The following TP53BP1 variants were observed in gnomAD, a reference collection of about 807,000 sequenced individuals.
The protein encoded by TP53BP1 is TP53-binding protein 1.
In TP53BP1, 61 loss-of-function variants were observed where a neutral mutation model predicts 200.8. That is an observed-to-expected ratio of 0.30 (90% CI 0.25 to 0.38). TP53BP1 has a LOEUF of 0.38. Among genes scored for constraint, TP53BP1 ranks in the 10% least tolerant of loss-of-function variants. The pLI is 1.00. For missense variants in TP53BP1, 2,144 were observed against 2,371.9 expected (o/e 0.90, Z 2.00); for synonymous variants, 822 against 844.3 (o/e 0.97, Z 0.46).
intron 1 of TP53BP1, 65 bp downstream of exon 1, chr15:43,492,972 T>A (rs2079149783): frequency 7.3e-7 from 1 of 1,361,662 alleles, no homozygotes; most frequent in Non-Finnish European, 9.7e-7. Context: ...CGGTCAGCCA[T>A]CCCTTCAGAC....
chr15:43,410,342 T>C (rs1485060191), intron 24 of TP53BP1, among the ~76,000 whole-genome samples: 1 of 152,194 alleles, frequency 6.6e-6, no homozygotes, highest in Non-Finnish European at 1.5e-5. Flanking sequence ...TCAACCTTTT[T>C]ATTGAAAACT....
chr15:43,403,491 G>T lies in TP53BP1; in HGVS notation c.*3892C>A, dbSNP rs1595503790. The T allele has an allele frequency of 1.8e-6, 1 of 549,366 alleles. No homozygotes were observed. Among genetic ancestry groups the T allele is most frequent in the Non-Finnish European group, 3.3e-6 (1 of 305,874 alleles). 34.0% of individuals were successfully genotyped at this position (549,366 alleles called of 1,614,324 possible). ...GAGTAATACTCGCTTAGCCAGGAAA[G>T]GATGCATTTGTTTTACGCATTTTGT... On this transcript the variant is annotated 3_prime_UTR_variant, in exon 28 of 28. Coordinates refer to ENST00000382044, the MANE Select transcript of TP53BP1 (RefSeq NM_001141980.3).
Position 43,409,672 on chromosome 15 carries a change from A to G in TP53BP1, c.5375T>C (p.Ile1792Thr). The change falls in exon 25 of 28, where the codon ATC (isoleucine) becomes ACC (threonine). Residue 1792 changes from isoleucine (I) to threonine (T), a missense_variant. Around this residue, in one of 4 missense-constraint regions of TP53BP1, gnomAD observed 334 missense variants for 453.4 expected, o/e 0.74. Transcript: ENST00000382044. The part of the protein sequence containing the change: ...ESQLRAGAGY[I>T]LEDFNEAQCN... Reference sequence around the variant, plus strand: ...CTGGGCTTCATTGAAATCTTCAAGGATATAGCCAGCTCCTGCTCGAAGCTG... The same window carrying G: ...CTGGGCTTCATTGAAATCTTCAAGGGTATAGCCAGCTCCTGCTCGAAGCTG... 1 of 1,571,888 alleles carries G rather than the reference A, an allele frequency of 6.4e-7. No homozygotes were observed. The highest frequency in any genetic ancestry group is 8.6e-7 in the Non-Finnish European group (1 of 1,161,326).
intron 23 of TP53BP1, chr15:43,414,154 G>A (rs1037196358): frequency 2.1e-6 from 1 of 469,380 alleles, no homozygotes; most frequent in African/African-American, 2.0e-5. Flanking sequence ...AGTCTCAGAG[G>A]CAATATGACG....
rs1462748563 is a variant in TP53BP1 at position 43,404,596 on chromosome 15, C to G, written c.*2787G>C. 1.2e-6 allele frequency: 2 copies of G among 1,600,080 alleles called. No individual in the cohort carries two copies. The highest frequency in any genetic ancestry group is 2.2e-5 in the South Asian group (2 of 89,736). On this transcript the variant is annotated 3_prime_UTR_variant, in exon 28 of 28. Transcript: ENST00000382044. The stretch of plus-strand genomic sequence containing the variant: ...TAACTCAGTAGACTTTTTAAGGTGG[C>G]TTTTTAATGAGTTGTAGAATTCTAG...
At chr15:43,430,380 C>A (rs1345287571) in intron 17 of TP53BP1, among the ~76,000 whole-genome samples, 1 of 152,186 alleles carries the variant, frequency 6.6e-6, no homozygotes, top group Non-Finnish European at 1.5e-5. Flanking sequence ...ATTTCAATTT[C>A]TGTTATTCTA....
intron 11 of TP53BP1, among the ~76,000 whole-genome samples, chr15:43,469,641 A>T (rs1291705981): frequency 6.6e-6 from 1 of 152,180 alleles, no homozygotes; most frequent in Non-Finnish European, 1.5e-5. Context: ...AAGACATTGT[A>T]AAAAGTTTAA....
chr15:43,488,157 G>C (rs544111738), intron 4 of TP53BP1, among the ~76,000 whole-genome samples: 1 of 152,026 alleles, frequency 6.6e-6, no homozygotes, highest in Admixed American at 6.5e-5. Flanking sequence ...AAATTAGTTG[G>C]GTGTGGTGGC....
At chr15:43,457,981 T>C (rs1028393326) in intron 11 of TP53BP1, among the ~76,000 whole-genome samples, 23 of 151,986 alleles carry the variant, frequency 1.5e-4, no homozygotes, top group African/African-American at 5.6e-4. Context: ...ATCGTGTCAT[T>C]GCACTCCAGT....
chr15:43,470,128 A>C (rs1321411263), intron 10 of TP53BP1, 62 bp from the exon 11 acceptor site: 1 of 1,363,824 alleles, frequency 7.3e-7, no homozygotes, highest in East Asian at 2.3e-5. Flanking sequence ...TCATGTTCCA[A>C]AACCACTAAG....
chr15:43,418,937 C>G lies in TP53BP1; in HGVS notation c.4681+1368G>C, dbSNP rs117874783. ...ACTAACTTTAGAGAAGGCCACCTGT[C>G]CCTCTCTTGCAGTGGCTCACGCCTG... On this transcript the variant is annotated intron_variant, in intron 21 of 27. Transcript: ENST00000382044. Among the ~76,000 whole-genome samples, 15 of 152,288 alleles carry G rather than the reference C, an allele frequency of 9.8e-5. No homozygotes were observed. The East Asian group carries it at 2.9e-3, about 29-fold the overall frequency.
Position 43,469,984 on chromosome 15 carries a change from C to T in TP53BP1, c.1263G>A (p.Glu421=), listed in dbSNP as rs34102165. 1,092 of 1,613,944 alleles carry T rather than the reference C, an allele frequency of 6.8e-4. 4 individuals carry two copies. In the African/African-American group the frequency reaches 0.013, roughly 19 times the overall value. The change falls in exon 11 of 28, where the codon GAG becomes GAA. Residue 421 remains glutamate (E), a synonymous_variant. Transcript: ENST00000382044. The stretch of plus-strand genomic sequence containing the variant: ...CAGGCAGGAGAGGGGGGTTTTCTAA[C>T]TCCACTGGTTCACCACTTTGAAGTT... The part of the protein sequence containing the change: ...QKKLQSGEPV[E]LENPPLLPES...
intron 27 of TP53BP1, 110 bp downstream of exon 27, chr15:43,407,833 A>G: frequency 8.7e-7 from 1 of 1,151,670 alleles, no homozygotes; most frequent in Non-Finnish European, 1.2e-6. Flanking sequence ...TCTCTAAGAA[A>G]CATGGATACG....
Position 43,405,341 on chromosome 15 carries a change from T to C in TP53BP1, c.*2042A>G. 9.3e-7 allele frequency: 1 copy of C among 1,072,590 alleles called. No individual in the cohort carries two copies. Among genetic ancestry groups the C allele is most frequent in the Non-Finnish European group, 1.4e-6 (1 of 716,090 alleles). The allele number at this position is 1,072,590 out of a possible 1,614,324, so 66.4% of individuals were successfully genotyped here. A position where few individuals can be genotyped will look rare whatever the true frequency, so the allele number is the denominator to read the frequency against. ...CTTAGTGATAGGACTCTACCTTTTC[T>C]CCTAGAAGCAGTTACTGAACATCCA... On this transcript the variant is annotated 3_prime_UTR_variant, in exon 28 of 28. Coordinates refer to ENST00000382044, the MANE Select transcript of TP53BP1 (RefSeq NM_001141980.3).
chr15:43,477,524 T>A, intron 8 of TP53BP1, 69 bp downstream of exon 8: 1 of 1,404,802 alleles, frequency 7.1e-7, no homozygotes, highest in South Asian at 1.8e-5. Context: ...ACTTAACCAG[T>A]AGCCTCAGAA....
intron 1 of TP53BP1, among the ~76,000 whole-genome samples, chr15:43,501,227 G>T (rs1217034929): frequency 1.4e-5 from 2 of 147,722 alleles, no homozygotes; most frequent in Non-Finnish European, 3.0e-5. Flanking sequence ...TAAGAGACAG[G>T]GTCTTGCTCT....
chr15:43,454,003 G>A (rs1016401964), intron 12 of TP53BP1, among the ~76,000 whole-genome samples: 1 of 151,998 alleles, frequency 6.6e-6, no homozygotes, highest in Non-Finnish European at 1.5e-5. Context: ...TCAGGAGATT[G>A]AAACCATCCT....
chr15:43,416,077 C>T, intron 22 of TP53BP1, 148 bp downstream of exon 22: 1 of 815,006 alleles, frequency 1.2e-6, no homozygotes, highest in Non-Finnish European at 1.9e-6. Context: ...GGCAGCAGCT[C>T]TAGAAAATGA....
intron 1 of TP53BP1, among the ~76,000 whole-genome samples, chr15:43,499,347 A>T (rs1170473675): frequency 6.6e-6 from 1 of 152,172 alleles, no homozygotes; most frequent in Non-Finnish European, 1.5e-5. Flanking sequence ...TAATCTGTAC[A>T]CCAAACCCCG....
Sources: allele counts gnomAD v4.1 joint callset (sites outside exome capture counted in the v4.1 genomes callset), GRCh38; gene constraint gnomAD v4.1.1; regional missense constraint gnomAD v4.1.1; transcripts MANE v1.5; gene names NCBI Gene and HGNC (gene_info 2026-07-23, HGNC 2026-07-21).